OTUD7A: variants seen among roughly 807,000 people sequenced by gnomAD.
OTUD7A encodes OTU deubiquitinase 7A, also known as OTU domain-containing protein 7A.
OTUD7A carries 12 observed loss-of-function variants against 65.7 expected under a neutral mutation model. The observed-to-expected ratio is 0.18, with a 90% confidence interval of 0.12 to 0.30. OTUD7A has a LOEUF of 0.30. Among genes scored for constraint, OTUD7A ranks in the 10% least tolerant of loss-of-function variants. OTUD7A has a pLI of 1.00. For synonymous variants in OTUD7A, 641 were observed against 586.3 expected (o/e 1.09, Z -1.35); for missense variants, 1,148 against 1,304.8 (o/e 0.88, Z 1.85).
At chr15:31,766,599 G>A in intron 1 of OTUD7A, 12 of 1,610,604 alleles carry the variant, frequency 7.5e-6, no homozygotes, top group Non-Finnish European at 1.0e-5. Flanking sequence ...TTCAGCCACT[G>A]GTGTATTGAT....
intron 10 of OTUD7A, among the ~76,000 whole-genome samples, chr15:31,491,241 ATAAGT>A (rs1294331984): frequency 3.9e-5 from 6 of 152,264 alleles, no homozygotes; most frequent in East Asian, 3.8e-4. Flanking sequence ...TAACTGATTA[ATAAGT>A]TAAGGACTAA....
chr15:31,587,462 C>G (rs1258789108), intron 3 of OTUD7A, among the ~76,000 whole-genome samples: 1 of 151,730 alleles, frequency 6.6e-6, no homozygotes, highest in Admixed American at 6.6e-5. Flanking sequence ...ATGGTGAAAC[C>G]CCGTCTCTAC....
rs899187282 is a variant in OTUD7A at position 31,791,272 on chromosome 15, G to A, written c.-100+79235C>T. Among the ~76,000 whole-genome samples the A allele has an allele frequency of 3.9e-5, 6 of 152,234 alleles. 1 individual carries two copies. In the South Asian group the frequency reaches 1.0e-3, roughly 26 times the overall value. On this transcript the variant is annotated intron_variant, in intron 1 of 12. Transcript: ENST00000307050. The stretch of plus-strand genomic sequence containing the variant: ...GATCTCTTGACCTCATGATCTGCCC[G>A]CCTCAGCCTCCCAAAGTGCTGGGAT...
chr15:31,670,816 C>G (rs1263640425), intron 1 of OTUD7A, among the ~76,000 whole-genome samples: 1 of 151,992 alleles, frequency 6.6e-6, no homozygotes, highest in Non-Finnish European at 1.5e-5. Flanking sequence ...AAGGTGAAAC[C>G]CCGTCTCTAC....
chr15:31,780,314 T>G (rs946075602), intron 1 of OTUD7A, among the ~76,000 whole-genome samples: 2 of 111,482 alleles, frequency 1.8e-5, no homozygotes, highest in Admixed American at 1.9e-4. Flanking sequence ...AAATGGGGCT[T>G]CTTCTACAAA....
At chr15:31,643,857 G>C (rs1019290028) in intron 3 of OTUD7A, among the ~76,000 whole-genome samples, 1 of 152,262 alleles carries the variant, frequency 6.6e-6, no homozygotes, top group Non-Finnish European at 1.5e-5. Flanking sequence ...GAGAGTCCTT[G>C]GCAGAACTTC....
At position 31,475,649 on chromosome 15, in the gene OTUD7A, T is replaced by C. The variant is rs1168236713; in HGVS notation, c.*7645A>G. On this transcript the variant is annotated 3_prime_UTR_variant, in exon 13 of 13. Transcript: ENST00000307050. ...TGCTTTAATACTTTACAAAGTAATA[T>C]CCCAACCACAGAAGACAGCTCTTAC... is the stretch of plus-strand genomic sequence containing the variant. 2 of 152,230 alleles carry C rather than the reference T, an allele frequency of 1.3e-5. No individual in the cohort carries two copies. The highest frequency in any genetic ancestry group is 4.8e-5 in the African/African-American group (2 of 41,458). The allele number at this position is 152,230 out of a possible 1,614,324, so 9.4% of individuals were successfully genotyped here.
At chr15:31,741,796 CA>C (rs540310032) in intron 1 of OTUD7A, among the ~76,000 whole-genome samples, 5 of 151,236 alleles carry the variant, frequency 3.3e-5, no homozygotes, top group East Asian at 3.9e-4. Context: ...AAAATAAACA[CA>C]AAAAAAATTA....
At chr15:31,784,409 C>T (rs1595766362) in intron 1 of OTUD7A, among the ~76,000 whole-genome samples, 1 of 152,034 alleles carries the variant, frequency 6.6e-6, no homozygotes, top group African/African-American at 2.4e-5. Context: ...CAGCTGTCTT[C>T]TATTAAGCCA....
rs60332452 is a variant in OTUD7A at position 31,531,520 on chromosome 15, CAA to C, written c.551-714_551-713del. 8.3e-3 allele frequency among the ~76,000 whole-genome samples: 667 copies of C among 80,136 alleles called. 1 individual carries two copies. Among genetic ancestry groups the C allele is most frequent in the Admixed American group, 0.011 (70 of 6,584 alleles). 52.6% of individuals were successfully genotyped at this position (80,136 alleles called of 152,430 possible). A position where few individuals can be genotyped will look rare whatever the true frequency, so the allele number is the denominator to read the frequency against. On this transcript the variant is annotated intron_variant, in intron 5 of 12. Coordinates refer to ENST00000307050, the MANE Select transcript of OTUD7A (RefSeq NM_001382637.1). ...AAAACGAACCAATGAGAGTAGGCCA[CAA>C]AAAAAAAAAAAAAAAAAAAGATAGA...
Position 31,484,010 on chromosome 15 carries a change from C to CGGT in OTUD7A, c.2085_2086insACC (p.Ala695_Ala696insThr). On this transcript the variant is annotated inframe_insertion, in exon 13 of 13. Transcript: ENST00000307050. The surrounding 1 kb of genome is among the most constrained non-coding windows in gnomAD (Gnocchi z 4.5). ...CTGCGCGGCGGCCGCTTGGCCGTGG[C>CGGT]GGCGGCGGCGGCGGCGGCAGCGGCG... 3 of 112,984 alleles carry CGGT rather than the reference C, an allele frequency of 2.7e-5. No individual in the cohort carries two copies. The highest frequency in any genetic ancestry group is 2.1e-5 in the Non-Finnish European group (2 of 97,464). The allele number at this position is 112,984 out of a possible 1,614,324, so 7.0% of individuals were successfully genotyped here.
chr15:31,721,974 C>T (rs1307271331), intron 1 of OTUD7A, among the ~76,000 whole-genome samples: 2 of 152,232 alleles, frequency 1.3e-5, no homozygotes, highest in East Asian at 1.9e-4. Flanking sequence ...GCCTGCCTGC[C>T]TGAGGGAATG....
intron 1 of OTUD7A, chr15:31,765,888 T>C: frequency 7.8e-7 from 1 of 1,275,480 alleles, no homozygotes; most frequent in Admixed American, 1.7e-5. Context: ...CTGAAACTAT[T>C]TTAGTTTTTT....
At chr15:31,558,938 G>A in intron 5 of OTUD7A, 31 bp downstream of exon 5, 2 of 1,608,566 alleles carry the variant, frequency 1.2e-6, no homozygotes, top group South Asian at 2.2e-5. Context: ...CAAGCCTAAA[G>A]AGGGTGGGCC....
intron 1 of OTUD7A, among the ~76,000 whole-genome samples, chr15:31,821,264 T>C (rs868122789): frequency 8.7e-5 from 13 of 149,264 alleles, no homozygotes; most frequent in Non-Finnish European, 1.9e-4. Context: ...GCCTCCCGAG[T>C]AGCTGGGACT....
At chr15:31,813,164 T>A (rs1465562534) in intron 1 of OTUD7A, among the ~76,000 whole-genome samples, 1 of 152,182 alleles carries the variant, frequency 6.6e-6, no homozygotes, top group Non-Finnish European at 1.5e-5. Context: ...AGAGTTCCAT[T>A]CAGCAGGTAA....
chr15:31,819,870 C>G (rs2140971169), intron 1 of OTUD7A, among the ~76,000 whole-genome samples: 1 of 151,914 alleles, frequency 6.6e-6, no homozygotes, highest in Middle Eastern at 3.4e-3. Flanking sequence ...ATGTAATTAT[C>G]AAAATTATAA....
intron 4 of OTUD7A, among the ~76,000 whole-genome samples, chr15:31,566,518 A>T (rs1165336455): frequency 6.6e-6 from 1 of 152,232 alleles, no homozygotes; most frequent in East Asian, 1.9e-4. Flanking sequence ...AAATGACAAG[A>T]TGAGACAAGA....
At chr15:31,652,208 T>A (rs1361784594) in intron 3 of OTUD7A, among the ~76,000 whole-genome samples, 5 of 152,220 alleles carry the variant, frequency 3.3e-5, no homozygotes, top group Admixed American at 2.0e-4. Context: ...TGGCTTTTCG[T>A]CAAATTGCAA....
Sources: gnomAD v4.1 joint callset for allele counts (sites outside exome capture counted in the v4.1 genomes callset) on GRCh38, gnomAD v4.1.1 for gene constraint, Gnocchi (gnomAD v3.1) non-coding constraint, MANE v1.5 for transcripts, NCBI Gene and HGNC (gene_info 2026-07-23, HGNC 2026-07-21) for gene names.